Variants in GRID1 observed in about 807,000 individuals in gnomAD.
GRID1 encodes glutamate ionotropic receptor delta type subunit 1.
In GRID1, 28 loss-of-function variants were observed where a neutral mutation model predicts 98.0. The ratio of observed to expected loss-of-function variants is 0.29; its 90% confidence interval spans 0.21 to 0.39. The LOEUF (loss-of-function observed/expected upper bound fraction) is 0.39. GRID1 is among the 10% of genes least tolerant of loss of function. The probability of loss-of-function intolerance (pLI) is 1.00; values close to 1 mark genes in which losing one functional copy is unlikely to be tolerated. For missense variants in GRID1, 1,111 were observed against 1,340.5 expected (o/e 0.83, Z 2.67); for synonymous variants, 553 against 538.5 (o/e 1.03, Z -0.37).
chr10:86,044,508 C>A (rs1843393069), intron 4 of GRID1, among the ~76,000 whole-genome samples: 1 of 152,184 alleles, frequency 6.6e-6, no homozygotes, highest in Non-Finnish European at 1.5e-5. Flanking sequence ...AAAAGCTACC[C>A]TCTCATCTGC....
intron 12 of GRID1, among the ~76,000 whole-genome samples, chr10:85,702,650 A>G (rs1841465480): frequency 6.6e-6 from 1 of 152,128 alleles, no homozygotes; most frequent in Non-Finnish European, 1.5e-5. Context: ...ATTAGTAAGG[A>G]TAACTACAAA....
intron 2 of GRID1, among the ~76,000 whole-genome samples, chr10:86,247,478 G>A (rs190674244): frequency 1.3e-3 from 197 of 152,282 alleles, no homozygotes; most frequent in Non-Finnish European, 1.6e-3. Context: ...TTGACAGATA[G>A]ATGGATGAAT....
chr10:85,769,208 G>T (rs899413210), intron 8 of GRID1, among the ~76,000 whole-genome samples: 3 of 152,200 alleles, frequency 2.0e-5, no homozygotes, highest in African/African-American at 7.2e-5. Flanking sequence ...GTCCTTTGCA[G>T]CAACATGGGT....
At chr10:85,878,810 A>G (rs1172605558) in intron 5 of GRID1, among the ~76,000 whole-genome samples, 1 of 151,588 alleles carries the variant, frequency 6.6e-6, no homozygotes, top group Non-Finnish European at 1.5e-5. Context: ...GCTCCAATTA[A>G]AAGACACAGA....
intron 2 of GRID1, among the ~76,000 whole-genome samples, chr10:86,349,160 C>T (rs1848429937): frequency 6.6e-6 from 1 of 152,226 alleles, no homozygotes; most frequent in South Asian, 2.1e-4. Context: ...ACAGCTCCTC[C>T]CCTTCCCGGC....
chr10:86,156,966 T>C (rs1589391051), intron 3 of GRID1, among the ~76,000 whole-genome samples: 1 of 149,198 alleles, frequency 6.7e-6, no homozygotes. Flanking sequence ...GCATCAGGAG[T>C]GAATGAGGAT....
chr10:86,124,728 G>A (rs1844725705), intron 4 of GRID1, among the ~76,000 whole-genome samples: 2 of 152,198 alleles, frequency 1.3e-5, no homozygotes, highest in Admixed American at 1.3e-4. Flanking sequence ...GTCTAGAACA[G>A]AGCCTAGTCC....
At chr10:85,894,911 G>A (rs1447428280) in intron 5 of GRID1, among the ~76,000 whole-genome samples, 1 of 150,824 alleles carries the variant, frequency 6.6e-6, no homozygotes, top group Non-Finnish European at 1.5e-5. Flanking sequence ...GGGAGGCTGA[G>A]GCAGGAGAAT....
At chr10:85,743,504 T>A (rs575604839) in intron 8 of GRID1, among the ~76,000 whole-genome samples, 2 of 152,092 alleles carry the variant, frequency 1.3e-5, no homozygotes, top group Non-Finnish European at 2.9e-5. Context: ...AATAAAAAAA[T>A]ATAAAATATG....
At chr10:85,906,448 G>T (rs1342891905) in intron 5 of GRID1, among the ~76,000 whole-genome samples, 1 of 152,058 alleles carries the variant, frequency 6.6e-6, no homozygotes, top group Non-Finnish European at 1.5e-5. Context: ...GCAGATAATG[G>T]ATCCTTTTCA....
intron 4 of GRID1, among the ~76,000 whole-genome samples, chr10:86,062,768 C>T (rs1420884753): frequency 6.6e-6 from 1 of 152,246 alleles, no homozygotes; most frequent in African/African-American, 2.4e-5. Flanking sequence ...ATGGCTTCCA[C>T]ATCTGTGTGA....
intron 4 of GRID1, among the ~76,000 whole-genome samples, chr10:85,985,647 A>G (rs1188557566): frequency 6.6e-6 from 1 of 152,168 alleles, no homozygotes; most frequent in Non-Finnish European, 1.5e-5. Flanking sequence ...TGCTACCTGC[A>G]CTCACAGTCA....
intron 4 of GRID1, among the ~76,000 whole-genome samples, chr10:85,930,488 A>G (rs2131832225): frequency 6.6e-6 from 1 of 152,160 alleles, no homozygotes; most frequent in African/African-American, 2.4e-5. Flanking sequence ...GAGAGAGCCC[A>G]TTCCAGCTCT....
intron 8 of GRID1, among the ~76,000 whole-genome samples, chr10:85,787,496 A>C (rs999566389): frequency 4.6e-5 from 7 of 151,918 alleles, no homozygotes; most frequent in Admixed American, 1.3e-4. Flanking sequence ...CATTCCTCTC[A>C]CTCATCCCTC....
At chr10:86,013,819 C>T (rs973172617) in intron 4 of GRID1, among the ~76,000 whole-genome samples, 3 of 152,122 alleles carry the variant, frequency 2.0e-5, no homozygotes, top group Non-Finnish European at 2.9e-5. Flanking sequence ...TGATAAGATA[C>T]GTGTATATAT....
chr10:86,210,019 G>A (rs1023775469), intron 2 of GRID1, among the ~76,000 whole-genome samples: 5 of 152,186 alleles, frequency 3.3e-5, no homozygotes, highest in African/African-American at 7.2e-5. Context: ...TCAGGGGGAA[G>A]AGCAGGATGA....
At chr10:86,060,277 C>CCT (rs1206352706) in intron 4 of GRID1, among the ~76,000 whole-genome samples, 7 of 152,180 alleles carry the variant, frequency 4.6e-5, no homozygotes, top group Admixed American at 3.3e-4. Flanking sequence ...AAGTTGACCC[C>CCT]CTCCCCTAAA....
intron 4 of GRID1, among the ~76,000 whole-genome samples, chr10:85,979,327 G>A (rs374921309): frequency 6.6e-6 from 1 of 152,154 alleles, no homozygotes; most frequent in Non-Finnish European, 1.5e-5. Context: ...TCTATATAAA[G>A]AGATGAGGGT....
chr10:85,870,130 C>T (rs1416338358), intron 5 of GRID1, among the ~76,000 whole-genome samples: 4 of 152,140 alleles, frequency 2.6e-5, no homozygotes, highest in Non-Finnish European at 5.9e-5. Flanking sequence ...GAGGCAGACC[C>T]GCCCTCAATC....
Sources: gnomAD v4.1 joint callset for allele counts (sites outside exome capture counted in the v4.1 genomes callset) on GRCh38, gnomAD v4.1.1 for gene constraint, MANE v1.5 for transcripts, NCBI Gene and HGNC (gene_info 2026-07-23, HGNC 2026-07-21) for gene names.